Variants in BCL2 observed in about 807,000 individuals in gnomAD.
BCL2 encodes apoptosis regulator Bcl-2.
In BCL2, 1 loss-of-function variant was observed where a neutral mutation model predicts 14.2. That is an observed-to-expected ratio of 0.07 (90% CI 0.02 to 0.33). The LOEUF (loss-of-function observed/expected upper bound fraction) is 0.33, where lower values mean the gene tolerates loss of function less well. Ranked by LOEUF, BCL2 falls within the 10% of genes least tolerant of loss-of-function variation. The probability of loss-of-function intolerance (pLI) is 0.99; values close to 1 mark genes in which losing one functional copy is unlikely to be tolerated. For synonymous variants in BCL2, 151 were observed against 137.2 expected (o/e 1.10, Z -0.70); for missense variants, 247 against 305.9 (o/e 0.81, Z 1.44).
chr18:63,142,253 A>C (rs927452254), intron 2 of BCL2, among the ~76,000 whole-genome samples: 1 of 152,252 alleles, frequency 6.6e-6, no homozygotes, highest in Admixed American at 6.5e-5. Context: ...AGAGCAAAGC[A>C]GACTAGGCTG....
chr18:63,201,723 A>G (rs1360529299), intron 2 of BCL2, among the ~76,000 whole-genome samples: 1 of 152,166 alleles, frequency 6.6e-6, no homozygotes, highest in African/African-American at 2.4e-5. Flanking sequence ...AAACTATCAC[A>G]AGAACAGAAA....
At chr18:63,199,840 T>A (rs1332854801) in intron 2 of BCL2, among the ~76,000 whole-genome samples, 1 of 152,108 alleles carries the variant, frequency 6.6e-6, no homozygotes, top group East Asian at 1.9e-4. Flanking sequence ...TATTTCCTTT[T>A]TCAATCAAGA....
chr18:63,178,709 C>A (rs1348364610), intron 2 of BCL2, among the ~76,000 whole-genome samples: 2 of 151,974 alleles, frequency 1.3e-5, no homozygotes, highest in Non-Finnish European at 1.5e-5. Context: ...CAAGAGTGGG[C>A]CCCAGGGGAC....
At chr18:63,183,465 T>C (rs149485088) in intron 2 of BCL2, among the ~76,000 whole-genome samples, 5 of 152,276 alleles carry the variant, frequency 3.3e-5, no homozygotes, top group Admixed American at 3.3e-4. Flanking sequence ...GCTCTCCCCA[T>C]GGGCATGGGA....
chr18:63,269,748 T>C (rs80019682), intron 2 of BCL2, among the ~76,000 whole-genome samples: 53 of 152,332 alleles, frequency 3.5e-4, no homozygotes, highest in African/African-American at 1.2e-3. Flanking sequence ...TTGAAATGTA[T>C]TATTTTGAAA....
chr18:63,309,520 C>T (rs1394523258), intron 2 of BCL2, among the ~76,000 whole-genome samples: 1 of 152,212 alleles, frequency 6.6e-6, no homozygotes. Flanking sequence ...TCACATTCGA[C>T]CTGCTGTCAG....
At chr18:63,182,079 CT>C (rs1240446445) in intron 2 of BCL2, among the ~76,000 whole-genome samples, 1 of 152,222 alleles carries the variant, frequency 6.6e-6, no homozygotes, top group African/African-American at 2.4e-5. Flanking sequence ...CTCTTTCCTC[CT>C]TTCTCTTTTC....
chr18:63,222,761 C>T (rs935239606), intron 2 of BCL2, among the ~76,000 whole-genome samples: 3 of 151,960 alleles, frequency 2.0e-5, no homozygotes, highest in Admixed American at 6.5e-5. Context: ...GTCACTGTAA[C>T]GAGGGAAGAT....
rs528676196 is a variant in BCL2, at chr18:63,211,832, C to A, written c.586-83073G>T. 3.3e-5 allele frequency among the ~76,000 whole-genome samples: 5 copies of A among 152,356 alleles called. No individual in the cohort carries two copies. The South Asian group carries it at 1.0e-3, about 32-fold the overall frequency. ...CAAAGGTCCCCTGCGGCAGCACCAG[C>A]CTGAAGCTCTTCAGTCATGAAAATC... On this transcript the variant is annotated intron_variant, in intron 2 of 2. Transcript: ENST00000333681.
intron 2 of BCL2, among the ~76,000 whole-genome samples, chr18:63,185,453 G>A (rs939756708): frequency 6.6e-6 from 1 of 152,242 alleles, no homozygotes; most frequent in African/African-American, 2.4e-5. Flanking sequence ...GGGAAAGGAT[G>A]AGAAGAGACA....
intron 2 of BCL2, among the ~76,000 whole-genome samples, chr18:63,262,629 G>T (rs1478041256): frequency 6.6e-6 from 1 of 152,200 alleles, no homozygotes; most frequent in Non-Finnish European, 1.5e-5. Context: ...GCTCCGACCA[G>T]TCAGACATCC....
At chr18:63,169,373 T>TTCTATCTTTC (rs1343508111) in intron 2 of BCL2, among the ~76,000 whole-genome samples, 1 of 78,246 alleles carries the variant, frequency 1.3e-5, no homozygotes, top group Non-Finnish European at 2.6e-5. Context: ...TTCTTTCTCT[T>TTCTATCTTTC]TCTTTCTTTC....
At chr18:63,288,893 C>CTAGA (rs1912553161) in intron 2 of BCL2, among the ~76,000 whole-genome samples, 1 of 152,080 alleles carries the variant, frequency 6.6e-6, no homozygotes, top group East Asian at 1.9e-4. Context: ...AATGCTGGCA[C>CTAGA]ATTTAGGCAG....
Position 63,274,277 on chromosome 18 carries a change from C to CTTTTTTTT in BCL2, c.585+43797_585+43804dup, listed in dbSNP as rs74169950. ...GGAGTCAAGCTTTTATAAAGATACT[C>CTTTTTTTT]TTTTTTTTTTTTTTTTTTTTTTTGA... On this transcript the variant is annotated intron_variant, in intron 2 of 2. Transcript: ENST00000333681. 6.7e-4 allele frequency among the ~76,000 whole-genome samples: 58 copies of CTTTTTTTT among 86,750 alleles called. 4 individuals carry two copies. Among genetic ancestry groups the CTTTTTTTT allele is most frequent in the African/African-American group, 1.9e-3 (44 of 22,982 alleles). 56.9% of individuals were successfully genotyped at this position (86,750 alleles called of 152,430 possible).
At chr18:63,188,575 C>G (rs912226616) in intron 2 of BCL2, among the ~76,000 whole-genome samples, 33 of 151,996 alleles carry the variant, frequency 2.2e-4, no homozygotes, top group Non-Finnish European at 8.8e-5. Context: ...CAAATTAGAA[C>G]ATAAACTGGA....
chr18:63,131,150 C>T (rs1914059176), intron 2 of BCL2, among the ~76,000 whole-genome samples: 1 of 152,124 alleles, frequency 6.6e-6, no homozygotes, highest in African/African-American at 2.4e-5. Context: ...ATAAGATGCT[C>T]TGTAATCACA....
intron 2 of BCL2, among the ~76,000 whole-genome samples, chr18:63,218,672 A>T (rs1367990027): frequency 2.9e-4 from 2 of 6,974 alleles, no homozygotes; most frequent in African/African-American, 5.2e-4. Flanking sequence ...TCCTCCAGTC[A>T]TCCCCATCCT....
At chr18:63,276,438 G>A (rs1912155931) in intron 2 of BCL2, among the ~76,000 whole-genome samples, 1 of 152,144 alleles carries the variant, frequency 6.6e-6, no homozygotes, top group South Asian at 2.1e-4. Context: ...GGCCAGACAG[G>A]CTGGACAACC....
intron 2 of BCL2, among the ~76,000 whole-genome samples, chr18:63,221,232 T>C (rs1178811930): frequency 6.6e-6 from 1 of 152,322 alleles, no homozygotes; most frequent in East Asian, 1.9e-4. Context: ...TGCCTTTTGA[T>C]CTCTGGCAAC....
Sources: allele counts gnomAD v4.1 joint callset (sites outside exome capture counted in the v4.1 genomes callset), GRCh38; gene constraint gnomAD v4.1.1; transcripts MANE v1.5; gene names NCBI Gene and HGNC (gene_info 2026-07-23, HGNC 2026-07-21).